BTAF1: variants seen among roughly 807,000 people sequenced by gnomAD.
BTAF1 encodes the protein TATA-binding protein-associated factor 172.
A neutral mutation model predicts 227.1 loss-of-function variants in BTAF1; 38 were observed. The observed-to-expected ratio is 0.17, with a 90% CI of 0.13 to 0.22. BTAF1 has a LOEUF of 0.22. Among genes scored for constraint, BTAF1 ranks in the 10% least tolerant of loss-of-function variants. BTAF1 has a pLI of 1.00. For synonymous variants in BTAF1, 742 were observed against 751.9 expected (o/e 0.99, Z 0.21); for missense variants, 1,598 against 2,204.0 (o/e 0.73, Z 5.51).
At chr10:92,010,187 T>G (rs1234499040) in intron 28 of BTAF1, among the ~76,000 whole-genome samples, 2 of 152,178 alleles carry the variant, frequency 1.3e-5, no homozygotes, top group African/African-American at 4.8e-5. Flanking sequence ...ATAAGGAGTC[T>G]AAGGCATGGG....
At chr10:92,008,005 C>A in intron 25 of BTAF1, 118 bp from the exon 26 acceptor site, 2 of 956,722 alleles carry the variant, frequency 2.1e-6, no homozygotes, top group Non-Finnish European at 3.1e-6. Flanking sequence ...GATTTGTCTT[C>A]AAGTCTTTGT....
intron 22 of BTAF1, 30 bp from the exon 23 acceptor site, chr10:91,994,505 C>A: frequency 1.3e-6 from 2 of 1,509,784 alleles, no homozygotes; most frequent in Non-Finnish European, 9.1e-7. Context: ...AAATTATTTG[C>A]CAGATAATAC....
At position 91,996,407 on chromosome 10, in the gene BTAF1, A is replaced by G. The variant is rs372117336; in HGVS notation, c.3348A>G (p.Gln1116=). 5 of 1,613,964 alleles carry G rather than the reference A, an allele frequency of 3.1e-6. No individual in the cohort carries two copies. The African/African-American group carries it at 4.0e-5, about 13-fold the overall frequency. The change falls in exon 24 of 38, where the codon CAA becomes CAG. Residue 1116 remains glutamine (Q), a synonymous_variant. Coordinates refer to ENST00000265990, the MANE Select transcript of BTAF1 (RefSeq NM_003972.3). ...QHLPHLYMCL[Q]YPSTAVRHMA... ...TGCCACATCTTTATATGTGCCTTCA[A>G]TACCCCAGTACTGCAGTGAGGCACA...
chr10:91,923,879 T>A lies in BTAF1; in HGVS notation c.-198T>A, dbSNP rs1263354744. ...CTCCGCTACCGTCTTGGACCCCTGCTTACCGGCCGCCGCGGGGACGAGCTC... is the reference window on the plus strand; with the variant it reads ...CTCCGCTACCGTCTTGGACCCCTGCATACCGGCCGCCGCGGGGACGAGCTC... On this transcript the variant is annotated 5_prime_UTR_variant, in exon 1 of 38. Coordinates refer to ENST00000265990, the MANE Select transcript of BTAF1 (RefSeq NM_003972.3). 3.6e-6 allele frequency: 2 copies of A among 558,090 alleles called. No homozygotes were observed. The highest frequency in any genetic ancestry group is 5.9e-6 in the Non-Finnish European group (2 of 341,294). 34.6% of individuals were successfully genotyped at this position (558,090 alleles called of 1,614,324 possible). A position where few individuals can be genotyped will look rare whatever the true frequency, so the allele number is the denominator to read the frequency against.
At chr10:91,962,798 C>T in intron 12 of BTAF1, 120 bp downstream of exon 12, 1 of 828,122 alleles carries the variant, frequency 1.2e-6, no homozygotes, top group Non-Finnish European at 1.8e-6. Flanking sequence ...TTTTTAACAA[C>T]AGCCCTCTGA....
intron 33 of BTAF1, among the ~76,000 whole-genome samples, chr10:92,017,842 A>G (rs1281960497): frequency 6.6e-6 from 1 of 152,166 alleles, no homozygotes; most frequent in Non-Finnish European, 1.5e-5. Context: ...AGTGCTCAGC[A>G]CTGTCTTGAG....
At chr10:92,022,797 G>C (rs1299855107) in intron 34 of BTAF1, among the ~76,000 whole-genome samples, 2 of 152,170 alleles carry the variant, frequency 1.3e-5, no homozygotes, top group African/African-American at 2.4e-5. Flanking sequence ...AAAAGAAACA[G>C]CTGAATAGTA....
Position 92,009,277 on chromosome 10 carries a change from T to C in BTAF1, c.4103+69T>C. ...TAATTAAGATAAGGAACAGTAACAT[T>C]TATTAAAGTGAATTCTAATTAGCTC... is the stretch of plus-strand genomic sequence containing the variant. On this transcript the variant is annotated intron_variant, in intron 28 of 37. Coordinates refer to ENST00000265990, the MANE Select transcript of BTAF1 (RefSeq NM_003972.3). 3.4e-6 allele frequency: 5 copies of C among 1,492,456 alleles called. No individual in the cohort carries two copies. The South Asian group carries it at 6.2e-5, about 19-fold the overall frequency. 92.5% of individuals were successfully genotyped at this position (1,492,456 alleles called of 1,614,324 possible).
At chr10:92,027,344 T>C (rs1413172411) in intron 37 of BTAF1, 44 bp downstream of exon 37, 1 of 1,501,618 alleles carries the variant, frequency 6.7e-7, no homozygotes. Context: ...GTCACAGGCT[T>C]CCTGTGACTG....
intron 17 of BTAF1, 67 bp from the exon 18 acceptor site, chr10:91,982,520 T>A (rs1848138527): frequency 6.7e-7 from 1 of 1,501,634 alleles, no homozygotes; most frequent in African/African-American, 1.4e-5. Context: ...TGAAAAAATT[T>A]CCCGAAGTAT....
intron 32 of BTAF1, among the ~76,000 whole-genome samples, chr10:92,015,439 C>G (rs1396282698): frequency 6.6e-6 from 1 of 152,226 alleles, no homozygotes; most frequent in Non-Finnish European, 1.5e-5. Flanking sequence ...AGGTATTCAT[C>G]TATTCAACTT....
chr10:91,990,062 A>G (rs1848634776), intron 20 of BTAF1, among the ~76,000 whole-genome samples: 1 of 152,232 alleles, frequency 6.6e-6, no homozygotes, highest in Non-Finnish European at 1.5e-5. Context: ...ATAATACTTA[A>G]CCAACTTTTT....
intron 14 of BTAF1, among the ~76,000 whole-genome samples, chr10:91,975,686 G>A (rs1847627818): frequency 1.3e-5 from 2 of 152,170 alleles, no homozygotes; most frequent in Admixed American, 1.3e-4. Context: ...GAATTGGCCT[G>A]CAGGCAAGAA....
At chr10:91,969,704 C>G (rs1039693506) in intron 14 of BTAF1, among the ~76,000 whole-genome samples, 1 of 152,168 alleles carries the variant, frequency 6.6e-6, no homozygotes, top group Non-Finnish European at 1.5e-5. Context: ...TGGCTCAGGC[C>G]TGTGATCCCA....
At position 92,031,104 on chromosome 10, in the gene BTAF1, C is replaced by T. The variant is rs1851870018; in HGVS notation, c.*2171C>T. Among the ~76,000 whole-genome samples the T allele has an allele frequency of 6.6e-6, 1 of 152,106 alleles. No homozygotes were observed. The highest frequency in any genetic ancestry group is 2.1e-4 in the South Asian group (1 of 4,824). On this transcript the variant is annotated 3_prime_UTR_variant, in exon 38 of 38. Transcript: ENST00000265990. ...ACTGGGAATTGGGTTCATAGATATC[C>T]ATTGTACTACTTCCCTTGGTTTTTG...
intron 20 of BTAF1, among the ~76,000 whole-genome samples, chr10:91,991,279 T>TATATATATATATATATATATATATATA: frequency 1.0e-5 from 1 of 98,422 alleles, no homozygotes; most frequent in African/African-American, 3.0e-5. Flanking sequence ...TAAATATATA[T>TATATATATATATATATATATATATATA]ATATATATAT....
chr10:91,991,308 G>A (rs1488427686), intron 20 of BTAF1, among the ~76,000 whole-genome samples: 1 of 89,342 alleles, frequency 1.1e-5, no homozygotes, highest in Non-Finnish European at 2.8e-5. Flanking sequence ...TCCGGACGTG[G>A]TGGCGTGCGT....
At chr10:91,956,458 T>C (rs1846093402) in intron 6 of BTAF1, 70 bp from the exon 7 acceptor site, 1 of 1,440,518 alleles carries the variant, frequency 6.9e-7, no homozygotes, top group Non-Finnish European at 9.3e-7. Flanking sequence ...CATTATCTTT[T>C]ATTCATTTCA....
intron 2 of BTAF1, among the ~76,000 whole-genome samples, chr10:91,937,367 A>G (rs747713140): frequency 1.6e-4 from 24 of 152,280 alleles, no homozygotes; most frequent in Non-Finnish European, 3.2e-4. Context: ...TATTTAGTAT[A>G]TTAACATGGT....
Sources: gnomAD v4.1 joint callset for allele counts (sites outside exome capture counted in the v4.1 genomes callset) on GRCh38, gnomAD v4.1.1 for gene constraint, MANE v1.5 for transcripts, NCBI Gene and HGNC (gene_info 2026-07-23, HGNC 2026-07-21) for gene names.